DYNC2H1: variants seen among roughly 807,000 people sequenced by gnomAD.
The protein encoded by DYNC2H1 is dynein cytoplasmic 2 heavy chain 1.
Under a neutral mutation model 570.0 loss-of-function variants are expected in DYNC2H1, and 410 were observed. That is an observed-to-expected ratio of 0.72 (90% CI 0.66 to 0.78). DYNC2H1 has a LOEUF of 0.78. DYNC2H1 is among the 30% of genes least tolerant of loss of function. The pLI is 0.00. For synonymous variants in DYNC2H1, 1,688 were observed against 1,677.6 expected, an observed-to-expected ratio of 1.01 and a Z score of -0.15; for missense variants, 4,865 against 5,046.4, an observed-to-expected ratio of 0.96 and a Z score of 1.09.
At chr11:103,202,033 A>C (rs993672925) in intron 50 of DYNC2H1, among the ~76,000 whole-genome samples, 1 of 152,180 alleles carries the variant, frequency 6.6e-6, no homozygotes, top group Non-Finnish European at 1.5e-5. Flanking sequence ...TTCAGAATTT[A>C]ACAGCTTTGG....
Position 103,174,046 on chromosome 11 carries a change from C to G in DYNC2H1, c.5559-9C>G, listed in dbSNP as rs2134979628. The stretch of plus-strand genomic sequence containing the variant: ...ATTTGATGTGTTGATTTCCATGTCT[C>G]TATTTCAGGGAACTTTTGACACCTC... On this transcript the variant is annotated splice_polypyrimidine_tract_variant and intron_variant, in intron 35 of 88. Coordinates refer to ENST00000375735, the MANE Select transcript of DYNC2H1 (RefSeq NM_001377.3). 1 of 1,563,934 alleles carries G rather than the reference C, an allele frequency of 6.4e-7. No homozygotes were observed. Among genetic ancestry groups the G allele is most frequent in the East Asian group, 2.3e-5 (1 of 43,084 alleles).
intron 70 of DYNC2H1, among the ~76,000 whole-genome samples, chr11:103,279,892 T>G (rs1358925904): frequency 6.6e-6 from 1 of 152,196 alleles, no homozygotes; most frequent in Non-Finnish European, 1.5e-5. Context: ...CACTACAGTT[T>G]CCTGTTTGAT....
chr11:103,356,025 T>G (rs562409243), intron 82 of DYNC2H1, among the ~76,000 whole-genome samples: 1 of 152,152 alleles, frequency 6.6e-6, no homozygotes, highest in Admixed American at 6.5e-5. Flanking sequence ...GCAATTCTTA[T>G]AGATCTCCCA....
At chr11:103,141,730 G>C (rs571425219) in intron 17 of DYNC2H1, among the ~76,000 whole-genome samples, 1 of 152,348 alleles carries the variant, frequency 6.6e-6, no homozygotes, top group Admixed American at 6.5e-5. Context: ...GAGAACTATT[G>C]CTCTCTTCAA....
intron 83 of DYNC2H1, among the ~76,000 whole-genome samples, chr11:103,387,407 T>G (rs185502021): frequency 3.3e-5 from 5 of 152,366 alleles, no homozygotes; most frequent in Admixed American, 2.0e-4. Context: ...ATTAGCCCTT[T>G]GTCAGATGAG....
chr11:103,209,904 G>A lies in DYNC2H1; in HGVS notation c.8483G>A (p.Gly2828Asp). 1 of 1,494,828 alleles carries A rather than the reference G, an allele frequency of 6.7e-7. No individual in the cohort carries two copies. Among genetic ancestry groups the A allele is most frequent in the African/African-American group, 1.4e-5 (1 of 70,302 alleles). 92.6% of individuals were successfully genotyped at this position (1,494,828 alleles called of 1,614,324 possible). A position where few individuals can be genotyped will look rare whatever the true frequency, so the allele number is the denominator to read the frequency against. Residue 2828 changes from glycine (G) to aspartate (D), a missense_variant, in exon 53 of 89, where the codon GGT becomes GAT. Gly to Asp is a moderately conservative substitution (Grantham distance 94). Around this residue, in one of 5 missense-constraint regions of DYNC2H1, gnomAD observed 2,401 missense variants for 2,454.6 expected, o/e 0.98. Coordinates refer to ENST00000375735, the MANE Select transcript of DYNC2H1 (RefSeq NM_001377.3). This position sits in a 1 kb window ranked among gnomAD's most constrained non-coding sequence, Gnocchi z 4.2. ...CCTGAAATGTTATTCAGTGAAACAG[G>A]TGGTGGAGAAAAATACAATGATAAA... ...KIPEMLFSETGGGEKYNDKKR... is the reference protein window; with the variant it reads ...KIPEMLFSETDGGEKYNDKKR...
At chr11:103,336,301 A>C (rs1383583176) in intron 82 of DYNC2H1, among the ~76,000 whole-genome samples, 1 of 152,166 alleles carries the variant, frequency 6.6e-6, no homozygotes, top group African/African-American at 2.4e-5. Context: ...GAACATTCCA[A>C]ATCTACTTCT....
At chr11:103,316,868 A>G (rs999030875) in intron 80 of DYNC2H1, among the ~76,000 whole-genome samples, 11 of 152,248 alleles carry the variant, frequency 7.2e-5, no homozygotes, top group Admixed American at 2.0e-4. Flanking sequence ...GTGGCTTTCA[A>G]AAGTTTCAGG....
intron 65 of DYNC2H1, among the ~76,000 whole-genome samples, chr11:103,246,779 A>G (rs984934948): frequency 6.6e-6 from 1 of 152,064 alleles, no homozygotes; most frequent in Non-Finnish European, 1.5e-5. Flanking sequence ...GTAGTCCTAG[A>G]ATCACATAAA....
Position 103,145,979 on chromosome 11 carries a change from C to G in DYNC2H1, c.2703-1793C>G, listed in dbSNP as rs1215313429. On this transcript the variant is annotated intron_variant, in intron 18 of 88. Transcript: ENST00000375735. The surrounding 1 kb of genome is among the most constrained non-coding windows in gnomAD (Gnocchi z 4.2). ...TTAGCAAAATACAGTATAATATAAC[C>G]TTTTAGGTTTACCAAAATCACATAT... is the stretch of plus-strand genomic sequence containing the variant. 6.6e-6 allele frequency among the ~76,000 whole-genome samples: 1 copy of G among 152,066 alleles called. No homozygotes were observed. Among genetic ancestry groups the G allele is most frequent in the Non-Finnish European group, 1.5e-5 (1 of 68,006 alleles).
At chr11:103,385,559 A>G (rs932461440) in intron 83 of DYNC2H1, among the ~76,000 whole-genome samples, 1 of 152,214 alleles carries the variant, frequency 6.6e-6, no homozygotes, top group African/African-American at 2.4e-5. Flanking sequence ...CAGAAAGGAT[A>G]ATAAAACTTA....
rs140778179 is a variant in DYNC2H1, at chr11:103,316,484, C to T, written c.11650-61C>T. On this transcript the variant is annotated intron_variant, in intron 79 of 88. Transcript: ENST00000375735. ...ATCATTTAATTTAAAGACAGTGATA[C>T]ATACATATATATCTTTGACTACTGC... 5 of 1,119,132 alleles carry T rather than the reference C, an allele frequency of 4.5e-6. No individual in the cohort carries two copies. The African/African-American group carries it at 6.5e-5, about 15-fold the overall frequency. The allele number at this position is 1,119,132 out of a possible 1,614,324, so 69.3% of individuals were successfully genotyped here.
chr11:103,288,897 G>GA (rs1749983872), intron 75 of DYNC2H1, among the ~76,000 whole-genome samples: 1 of 134,052 alleles, frequency 7.5e-6, no homozygotes, highest in Non-Finnish European at 1.6e-5. Context: ...AAAAAAAAAA[G>GA]AAAGAAAATT....
At position 103,135,545 on chromosome 11, in the gene DYNC2H1, A is replaced by G. The variant is rs1859491111; in HGVS notation, c.2256A>G (p.Gln752=). ...MHAWKQHWNH[Q]LYKALEHQYQ... ...CATGGAAACAACACTGGAATCATCA[A>G]CTGTACAAAGCTCTGGAGCATCAGT... The change falls in exon 16 of 89, where the codon CAA becomes CAG. Residue 752 remains glutamine (Q), a synonymous_variant. Transcript: ENST00000375735. 1.2e-6 allele frequency: 2 copies of G among 1,606,828 alleles called. No individual in the cohort carries two copies. Among genetic ancestry groups the G allele is most frequent in the South Asian group, 1.1e-5 (1 of 88,600 alleles).
At position 103,163,200 on chromosome 11, in the gene DYNC2H1, C is replaced by T. The variant is rs1240877596; in HGVS notation, c.4611+53C>T. The T allele has an allele frequency of 1.9e-6, 3 of 1,540,702 alleles. No homozygotes were observed. The highest frequency in any genetic ancestry group is 2.8e-5 in the African/African-American group (2 of 72,592). ...ATAGGCATGGAACGTGGAAAGATCCCTGACCTAGAAGCCAGGAGGCTCAGA... is the reference window on the plus strand; with the variant it reads ...ATAGGCATGGAACGTGGAAAGATCCTTGACCTAGAAGCCAGGAGGCTCAGA... On this transcript the variant is annotated intron_variant, in intron 30 of 88. Transcript: ENST00000375735. The surrounding 1 kb of genome is among the most constrained non-coding windows in gnomAD (Gnocchi z 4.6).
At chr11:103,126,634 A>G (rs555691042) in intron 12 of DYNC2H1, among the ~76,000 whole-genome samples, 113 of 114,510 alleles carry the variant, frequency 9.9e-4, no homozygotes, top group African/African-American at 3.7e-3. Context: ...TCTAGAACTC[A>G]TATTTTTTTT....
chr11:103,428,994 C>G (rs1331944942), intron 84 of DYNC2H1, among the ~76,000 whole-genome samples: 1 of 152,042 alleles, frequency 6.6e-6, no homozygotes, highest in East Asian at 1.9e-4. Flanking sequence ...GGCGCAGTGG[C>G]TCACGCCTGT....
chr11:103,205,660 A>T lies in DYNC2H1; in HGVS notation c.8454+696A>T, dbSNP rs1368374344. Among the ~76,000 whole-genome samples, 2 of 152,120 alleles carry T rather than the reference A, an allele frequency of 1.3e-5. No individual in the cohort carries two copies. Among genetic ancestry groups the T allele is most frequent in the Non-Finnish European group, 2.9e-5 (2 of 68,006 alleles). On this transcript the variant is annotated intron_variant, in intron 52 of 88. Coordinates refer to ENST00000375735, the MANE Select transcript of DYNC2H1 (RefSeq NM_001377.3). The surrounding 1 kb of genome is among the most constrained non-coding windows in gnomAD (Gnocchi z 4.5). ...TGCTTAGTAAGTACCACTGTTCTAT[A>T]TATGTTGAGGACATAGCAGACGAAA...
chr11:103,222,851 AACT>A (rs1863641372), intron 58 of DYNC2H1, 111 bp from the exon 59 acceptor site: 1 of 1,323,730 alleles, frequency 7.6e-7, no homozygotes, highest in African/African-American at 1.5e-5. Flanking sequence ...TAAGCCAAAA[AACT>A]ACTTTATTTG....
Sources: gnomAD v4.1 joint callset for allele counts (sites outside exome capture counted in the v4.1 genomes callset) on GRCh38, gnomAD v4.1.1 for gene constraint, gnomAD v4.1.1 regional missense constraint, Gnocchi (gnomAD v3.1) non-coding constraint, MANE v1.5 for transcripts, NCBI Gene and HGNC (gene_info 2026-07-23, HGNC 2026-07-21) for gene names.